Variants in SPATA3 observed in about 807,000 individuals in gnomAD.
SPATA3 encodes spermatogenesis-associated protein 3.
SPATA3 carries 6 observed loss-of-function variants against 5.7 expected under a neutral mutation model. The ratio of observed to expected loss-of-function variants is 1.06; its 90% CI spans 0.58 to 2.09. SPATA3 has a LOEUF of 2.09. SPATA3 is among the 30% of genes most tolerant of loss of function. The pLI is 0.00. For synonymous variants in SPATA3, 44 were observed against 48.4 expected (o/e 0.91, Z 0.37); for missense variants, 155 against 130.4 (o/e 1.19, Z -0.92).
At chr2:231,014,062 A>T (rs1559201833) in exon 6 of SPATA3, 1 of 152,124 alleles carries the variant, frequency 6.6e-6, no homozygotes, top group Non-Finnish European at 1.5e-5. Context: ...GCTGGGTTAC[A>T]TTCCTTGGGG....
chr2:231,001,228 C>T (rs1339515247), intron 2 of SPATA3, among the ~76,000 whole-genome samples: 1 of 152,168 alleles, frequency 6.6e-6, no homozygotes, highest in Non-Finnish European at 1.5e-5. Flanking sequence ...AAGACCCCAT[C>T]CATGCAGGGA....
At chr2:231,005,010 C>CAT, downstream of SPATA3, among the ~76,000 whole-genome samples, 1 of 141,910 alleles carries the variant, frequency 7.0e-6, no homozygotes, top group East Asian at 2.1e-4. Flanking sequence ...ATCATCACCA[C>CAT]CATCATCACC....
chr2:230,996,160 A>T, intron 1 of SPATA3: 24 of 1,434,494 alleles, frequency 1.7e-5, no homozygotes, highest in Non-Finnish European at 2.1e-5. Context: ...CAGAGGGCAA[A>T]CGGCCCCTCC....
At chr2:231,006,430 G>T (rs184049609), downstream of SPATA3, among the ~76,000 whole-genome samples, 21 of 151,434 alleles carry the variant, frequency 1.4e-4, no homozygotes, top group East Asian at 3.7e-3. Context: ...GTGCACCCAA[G>T]AGGTGGAGGT....
At chr2:231,004,875 A>T (rs1476658932), downstream of SPATA3, among the ~76,000 whole-genome samples, 1 of 152,056 alleles carries the variant, frequency 6.6e-6, no homozygotes, top group Admixed American at 6.6e-5. Context: ...AACACTTAGC[A>T]CAGTTCCTGG....
At chr2:231,013,605 C>T (rs921141450) in intron 5 of SPATA3, among the ~76,000 whole-genome samples, 1 of 152,124 alleles carries the variant, frequency 6.6e-6, no homozygotes, top group Non-Finnish European at 1.5e-5. Flanking sequence ...ATTCTCCTGC[C>T]TCAGCCTCCC....
chr2:231,002,634 G>A lies in SPATA3; in HGVS notation c.963-50G>A, dbSNP rs77679746. 3.6e-4 allele frequency: 425 copies of A among 1,177,752 alleles called. 3 individuals are homozygous for A. In the African/African-American group the frequency reaches 6.1e-3, roughly 17 times the overall value. 73.0% of individuals were successfully genotyped at this position (1,177,752 alleles called of 1,614,324 possible). A position where few individuals can be genotyped will look rare whatever the true frequency, so the allele number is the denominator to read the frequency against. On this transcript the variant is annotated intron_variant, in intron 2 of 2. Transcript: ENST00000645363. ...TTCCACTTTCTCCTGTTCGTAGAGA[G>A]GCACTGAAGCCCAGCTTCCCACCAC...
downstream of SPATA3, among the ~76,000 whole-genome samples, chr2:231,005,118 CCACCACCAT>C (rs1692511066): frequency 2.0e-5 from 1 of 49,456 alleles, no homozygotes. Context: ...ACCATCATCA[CCACCACCAT>C]CATCATCACC....
chr2:231,017,656 T>C (rs1692967139), intron 6 of SPATA3, among the ~76,000 whole-genome samples: 1 of 152,214 alleles, frequency 6.6e-6, no homozygotes, highest in East Asian at 1.9e-4. Context: ...TACATTATTT[T>C]AGTAAAGAAG....
downstream of SPATA3, among the ~76,000 whole-genome samples, chr2:231,008,150 C>A (rs1223636951): frequency 1.3e-5 from 2 of 152,166 alleles, no homozygotes; most frequent in African/African-American, 4.8e-5. Context: ...AGAACACACA[C>A]CACACAGCAT....
At chr2:231,015,686 A>G (rs2125125383) in intron 6 of SPATA3, among the ~76,000 whole-genome samples, 1 of 152,214 alleles carries the variant, frequency 6.6e-6, no homozygotes, top group South Asian at 2.1e-4. Flanking sequence ...GCCCCTAGGC[A>G]CCCTCGGCCT....
At chr2:231,008,549 C>A (rs1047088488), downstream of SPATA3, among the ~76,000 whole-genome samples, 5 of 152,120 alleles carry the variant, frequency 3.3e-5, no homozygotes, top group African/African-American at 1.2e-4. Flanking sequence ...CATTCCCCAC[C>A]CCTCAGTCCC....
downstream of SPATA3, among the ~76,000 whole-genome samples, chr2:231,011,718 C>G (rs1271218921): frequency 6.6e-6 from 1 of 151,324 alleles, no homozygotes; most frequent in Non-Finnish European, 1.5e-5. Flanking sequence ...AGCCATGAGA[C>G]TCAGGGGACA....
chr2:230,999,070 C>T (rs1301476007), intron 1 of SPATA3, among the ~76,000 whole-genome samples: 2 of 152,082 alleles, frequency 1.3e-5, no homozygotes, highest in Admixed American at 1.3e-4. Context: ...TACTATTTGG[C>T]AATAAAAAGA....
downstream of SPATA3, among the ~76,000 whole-genome samples, chr2:231,008,164 C>T (rs996889753): frequency 6.6e-6 from 1 of 152,182 alleles, no homozygotes; most frequent in Non-Finnish European, 1.5e-5. Context: ...ACAGCATAGT[C>T]ATCCCACCTG....
chr2:231,001,828 G>A (rs1692362167), intron 2 of SPATA3, among the ~76,000 whole-genome samples: 1 of 152,182 alleles, frequency 6.6e-6, no homozygotes, highest in South Asian at 2.1e-4. Flanking sequence ...AAGATGCAAA[G>A]AGCCTTGTGT....
At chr2:231,011,920 G>A (rs566846134), downstream of SPATA3, among the ~76,000 whole-genome samples, 1 of 152,358 alleles carries the variant, frequency 6.6e-6, no homozygotes, top group East Asian at 1.9e-4. Context: ...TGCAAGCACA[G>A]CATATACTTA....
intron 1 of SPATA3, chr2:230,996,395 A>T (rs906910816): frequency 8.4e-6 from 13 of 1,548,910 alleles, no homozygotes; most frequent in Non-Finnish European, 1.1e-5. Flanking sequence ...CTGAATCCAC[A>T]CCACAGCATT....
chr2:231,016,840 A>T, intron 6 of SPATA3, among the ~76,000 whole-genome samples: 1 of 152,260 alleles, frequency 6.6e-6, no homozygotes, highest in African/African-American at 2.4e-5. Context: ...GATAGGATTC[A>T]AGCTGAGATA....
Sources: gnomAD v4.1 joint callset for allele counts (sites outside exome capture counted in the v4.1 genomes callset) on GRCh38, gnomAD v4.1.1 for gene constraint, MANE v1.5 for transcripts, NCBI Gene and HGNC (gene_info 2026-07-23, HGNC 2026-07-21) for gene names.